Variants in SLC4A1AP observed in about 807,000 individuals in gnomAD.
The protein encoded by SLC4A1AP is kanadaptin.
In SLC4A1AP, 64 loss-of-function variants were observed where a neutral mutation model predicts 89.7. That is an observed-to-expected ratio of 0.71 (90% confidence interval 0.58 to 0.88). SLC4A1AP has a LOEUF of 0.88. SLC4A1AP is among the 40% of genes least tolerant of loss of function. The probability of loss-of-function intolerance (pLI) is 0.00; values close to 1 mark genes in which losing one functional copy is unlikely to be tolerated. For synonymous variants in SLC4A1AP, 366 were observed against 353.3 expected, an observed-to-expected ratio of 1.04 and a Z score of -0.40; for missense variants, 931 against 965.0, an observed-to-expected ratio of 0.96 and a Z score of 0.47.
At chr2:27,688,877 C>G in intron 12 of SLC4A1AP, 110 bp downstream of exon 12, 1 of 714,656 alleles carries the variant, frequency 1.4e-6, no homozygotes, top group Non-Finnish European at 2.3e-6. Context: ...CAGCCTTATT[C>G]CCCTCTCCTA....
chr2:27,679,771 A>G (rs754134993), intron 8 of SLC4A1AP, among the ~76,000 whole-genome samples: 1 of 152,198 alleles, frequency 6.6e-6, no homozygotes, highest in African/African-American at 2.4e-5. Flanking sequence ...TGGTGGGGGA[A>G]GAATACATAG....
intron 5 of SLC4A1AP, among the ~76,000 whole-genome samples, chr2:27,671,679 A>C (rs1450491429): frequency 6.6e-6 from 1 of 151,974 alleles, no homozygotes; most frequent in African/African-American, 2.4e-5. Context: ...TGATTCTCAT[A>C]TTCTCATATT....
intron 8 of SLC4A1AP, among the ~76,000 whole-genome samples, chr2:27,679,568 C>T (rs563907286): frequency 1.3e-5 from 2 of 152,006 alleles, no homozygotes; most frequent in Non-Finnish European, 2.9e-5. Flanking sequence ...CGCCACTGCA[C>T]TCTAGCCTGG....
At chr2:27,682,572 T>C (rs1284297736) in intron 9 of SLC4A1AP, among the ~76,000 whole-genome samples, 1 of 150,138 alleles carries the variant, frequency 6.7e-6, no homozygotes, top group Non-Finnish European at 1.5e-5. Context: ...GTCACCAGGC[T>C]GGAGTGCAGT....
intron 8 of SLC4A1AP, among the ~76,000 whole-genome samples, chr2:27,679,681 A>G (rs917571912): frequency 6.6e-6 from 1 of 152,178 alleles, no homozygotes; most frequent in Non-Finnish European, 1.5e-5. Flanking sequence ...TATATATAAG[A>G]TACAGAAACA....
chr2:27,674,024 G>A (rs999827204), intron 5 of SLC4A1AP, among the ~76,000 whole-genome samples: 1 of 151,108 alleles, frequency 6.6e-6, no homozygotes, highest in African/African-American at 2.4e-5. Flanking sequence ...GTGTGTGTGT[G>A]TGTGTGTCTG....
exon 1 of SLC4A1AP, chr2:27,664,109 T>C (rs749808878): frequency 6.2e-7 from 1 of 1,614,042 alleles, no homozygotes; most frequent in Admixed American, 1.7e-5. Context: ...CCGACATCCC[T>C]CCTCCTCAGC....
intron 8 of SLC4A1AP, 30 bp downstream of exon 8, chr2:27,677,954 A>G (rs1261064919): frequency 1.4e-6 from 2 of 1,418,964 alleles, no homozygotes; most frequent in Admixed American, 2.1e-5. Flanking sequence ...GGAATTCTAA[A>G]TAAGTATGGT....
chr2:27,666,621 G>A (rs1675331146), intron 2 of SLC4A1AP, among the ~76,000 whole-genome samples: 2 of 151,962 alleles, frequency 1.3e-5, no homozygotes, highest in Non-Finnish European at 2.9e-5. Context: ...TTAGATATGA[G>A]TGTGAGAGAA....
chr2:27,682,480 G>A, intron 9 of SLC4A1AP, 121 bp downstream of exon 9: 1 of 601,714 alleles, frequency 1.7e-6, no homozygotes, highest in South Asian at 2.1e-5. Flanking sequence ...AAGGGCTGTG[G>A]GCTTGGTATG....
chr2:27,667,234 T>G, intron 2 of SLC4A1AP, 34 bp from the exon 3 acceptor site: 1 of 1,593,222 alleles, frequency 6.3e-7, no homozygotes, highest in Non-Finnish European at 8.5e-7. Context: ...TTCTCATGTC[T>G]GATTATCTTT....
chr2:27,679,132 A>C (rs1675572434), intron 8 of SLC4A1AP, among the ~76,000 whole-genome samples: 1 of 152,232 alleles, frequency 6.6e-6, no homozygotes, highest in African/African-American at 2.4e-5. Context: ...AAATTAGTAC[A>C]TTCTCTACAA....
chr2:27,694,757 A>G, exon 14 of SLC4A1AP: 10 of 1,120,112 alleles, frequency 8.9e-6, no homozygotes, highest in Non-Finnish European at 1.2e-5. Flanking sequence ...ATCAAATTGA[A>G]TGGCCAGAGA....
At chr2:27,675,132 C>G (rs1316837191) in intron 5 of SLC4A1AP, among the ~76,000 whole-genome samples, 1 of 152,210 alleles carries the variant, frequency 6.6e-6, no homozygotes, top group Non-Finnish European at 1.5e-5. Context: ...GAGTATCACT[C>G]AGTGGCATTA....
At chr2:27,690,641 A>G (rs1193879071) in intron 12 of SLC4A1AP, among the ~76,000 whole-genome samples, 1 of 152,044 alleles carries the variant, frequency 6.6e-6, no homozygotes, top group Non-Finnish European at 1.5e-5. Flanking sequence ...TGTGTACCAC[A>G]ATGCCCAGCT....
intron 5 of SLC4A1AP, among the ~76,000 whole-genome samples, chr2:27,673,555 C>T (rs75956380): frequency 1.8e-4 from 27 of 151,576 alleles, no homozygotes; most frequent in East Asian, 7.8e-4. Context: ...CATCAACTTC[C>T]GGGGCTCAAG....
rs115051871 is a variant in SLC4A1AP at position 27,686,904 on chromosome 2, G to A, written c.2117-1030G>A. ...TTTTATTGAGACAGAGTCTTACTTT[G>A]TTACCCAGGTTGGAGTACTGTGGTG... On this transcript the variant is annotated intron_variant, in intron 10 of 13. Coordinates refer to ENST00000613058, the Ensembl canonical transcript of SLC4A1AP. Among the ~76,000 whole-genome samples the A allele has an allele frequency of 5.6e-3, 846 of 152,148 alleles. 5 individuals carry two copies. The highest frequency in any genetic ancestry group is 6.8e-3 in the Admixed American group (104 of 15,280).
chr2:27,667,383 C>A (rs1292248148), exon 3 of SLC4A1AP: 1 of 1,611,996 alleles, frequency 6.2e-7, no homozygotes, highest in Non-Finnish European at 8.5e-7. Flanking sequence ...GCTTTTTTGA[C>A]CGAGAAGGTA....
intron 1 of SLC4A1AP, 52 bp from the exon 2 acceptor site, chr2:27,665,048 C>T: frequency 6.8e-7 from 1 of 1,466,758 alleles, no homozygotes. Flanking sequence ...GGCGACAGAG[C>T]AAGACCCTGT....
Sources: gnomAD v4.1 joint callset for allele counts (sites outside exome capture counted in the v4.1 genomes callset) on GRCh38, gnomAD v4.1.1 for gene constraint, MANE v1.5 for transcripts, NCBI Gene and HGNC (gene_info 2026-07-23, HGNC 2026-07-21) for gene names.